CACUL1: variants seen among roughly 807,000 people sequenced by gnomAD.
The protein encoded by CACUL1 is CDK2 associated cullin domain 1, also known as CDK2-associated and cullin domain-containing protein 1.
In CACUL1, 13 loss-of-function variants were observed where a neutral mutation model predicts 45.2. The ratio of observed to expected loss-of-function variants is 0.29; its 90% confidence interval spans 0.19 to 0.46. CACUL1 has a LOEUF of 0.46. Ranked by LOEUF, CACUL1 falls within the 20% of genes least tolerant of loss-of-function variation. The pLI, the probability that CACUL1 is intolerant of heterozygous loss-of-function variation, is 1.00. For missense variants in CACUL1, 421 were observed against 471.4 expected, an observed-to-expected ratio of 0.89 and a Z score of 0.99; for synonymous variants, 197 against 174.2, an observed-to-expected ratio of 1.13 and a Z score of -1.03.
At chr10:118,722,010 T>C (rs181712346) in intron 3 of CACUL1, among the ~76,000 whole-genome samples, 5 of 152,020 alleles carry the variant, frequency 3.3e-5, no homozygotes, top group African/African-American at 1.2e-4. Flanking sequence ...CCCCACCTTA[T>C]CCAGTTTCCC....
chr10:118,717,848 C>G (rs1406604751), intron 3 of CACUL1, among the ~76,000 whole-genome samples: 1 of 152,154 alleles, frequency 6.6e-6, no homozygotes, highest in Non-Finnish European at 1.5e-5. Context: ...TGAAAGAAAT[C>G]TGAGAGGCCA....
At chr10:118,716,964 G>A (rs940645013) in intron 3 of CACUL1, among the ~76,000 whole-genome samples, 4 of 152,116 alleles carry the variant, frequency 2.6e-5, no homozygotes, top group Non-Finnish European at 5.9e-5. Context: ...CTAGGTTCAG[G>A]AACAATGGTA....
intron 1 of CACUL1, among the ~76,000 whole-genome samples, chr10:118,753,520 A>G (rs970039224): frequency 6.6e-6 from 1 of 152,170 alleles, no homozygotes; most frequent in African/African-American, 2.4e-5. Context: ...CACCACCACC[A>G]CCGCCACGCA....
chr10:118,686,159 G>A lies in CACUL1; in HGVS notation c.1079C>T (p.Ser360Leu). 1 of 1,612,646 alleles carries A rather than the reference G, an allele frequency of 6.2e-7. No individual in the cohort carries two copies. The highest frequency in any genetic ancestry group is 8.5e-7 in the Non-Finnish European group (1 of 1,178,812). Residue 360 changes from serine (S) to leucine (L), a missense_variant, in exon 9 of 9, where the codon TCA becomes TTA. Coordinates refer to ENST00000369151, the MANE Select transcript of CACUL1 (RefSeq NM_153810.5). ...GTACCCCCTGGAACTTGCACATGCT[G>A]ACGAGCTATCTGAAAAAACATCAGA... ...AGDELAYNSSSACASSRGYR is the reference protein window; with the variant it reads ...AGDELAYNSSLACASSRGYR
intron 3 of CACUL1, among the ~76,000 whole-genome samples, chr10:118,715,714 C>T (rs531753925): frequency 2.0e-5 from 3 of 152,260 alleles, no homozygotes; most frequent in Non-Finnish European, 4.4e-5. Flanking sequence ...CCATCCTCGT[C>T]CCCAGCCAAC....
At chr10:118,698,126 T>G (rs948544194) in intron 5 of CACUL1, among the ~76,000 whole-genome samples, 12 of 152,030 alleles carry the variant, frequency 7.9e-5, no homozygotes, top group Admixed American at 4.6e-4. Flanking sequence ...GGCTCCCAAA[T>G]TCTTCTGACA....
chr10:118,743,194 GA>G (rs925217006), intron 1 of CACUL1, among the ~76,000 whole-genome samples: 75 of 147,278 alleles, frequency 5.1e-4, no homozygotes, highest in Non-Finnish European at 8.7e-4. Context: ...GAGTAAAAAA[GA>G]AAAAAAAAAT....
intron 4 of CACUL1, among the ~76,000 whole-genome samples, chr10:118,702,918 A>C (rs964399937): frequency 1.3e-5 from 2 of 152,174 alleles, no homozygotes; most frequent in African/African-American, 4.8e-5. Flanking sequence ...AATGCAGAAG[A>C]GTAGAAAATA....
rs930915309 is a variant in CACUL1 at position 118,678,337 on chromosome 10, T to C, written c.*7791A>G. 1.3e-5 allele frequency: 2 copies of C among 152,250 alleles called. No homozygotes were observed. Among genetic ancestry groups the C allele is most frequent in the Admixed American group, 6.5e-5 (1 of 15,290 alleles). The allele number at this position is 152,250 out of a possible 1,614,324, so 9.4% of individuals were successfully genotyped here. A position where few individuals can be genotyped will look rare whatever the true frequency, so the allele number is the denominator to read the frequency against. ...CTGATAGTCTGCATTTTCTATCTTG[T>C]TGATGAAATTCTTCCCTACTCCAAA... On this transcript the variant is annotated 3_prime_UTR_variant, in exon 9 of 9. Coordinates refer to ENST00000369151, the MANE Select transcript of CACUL1 (RefSeq NM_153810.5).
chr10:118,676,799 T>C lies in CACUL1; in HGVS notation c.*9329A>G. 1 of 151,708 alleles carries C rather than the reference T, an allele frequency of 6.6e-6. No individual in the cohort carries two copies. Among genetic ancestry groups the C allele is most frequent in the South Asian group, 2.1e-4 (1 of 4,804 alleles). 9.4% of individuals were successfully genotyped at this position (151,708 alleles called of 1,614,324 possible). On this transcript the variant is annotated 3_prime_UTR_variant, in exon 9 of 9. Transcript: ENST00000369151. ...TTTTGCTTTATATGTATTGGTAACA[T>C]ATGTTCAAATTTAAACATTTTAAAA...
At position 118,754,529 on chromosome 10, in the gene CACUL1, C is replaced by G; in HGVS notation, c.234G>C (p.Pro78=). 1.2e-6 allele frequency: 2 copies of G among 1,612,736 alleles called. No homozygotes were observed. Among genetic ancestry groups the G allele is most frequent in the African/African-American group, 2.7e-5 (2 of 74,916 alleles). The change falls in exon 1 of 9, where the codon CCG becomes CCC. Residue 78 remains proline, a synonymous_variant. Coordinates refer to ENST00000369151, the MANE Select transcript of CACUL1 (RefSeq NM_153810.5). ...CCCCATTAGCCTCCGGCGGTGGCTG[C>G]GGCCCCATCGGGAGCCCCTCCTTGG... ...KGPKEGLPMG[P]QPPPEANGVI...
At chr10:118,746,811 A>G (rs1346346291) in intron 1 of CACUL1, among the ~76,000 whole-genome samples, 2 of 152,258 alleles carry the variant, frequency 1.3e-5, no homozygotes, top group Non-Finnish European at 2.9e-5. Context: ...TAAGGCAAGC[A>G]AATGATCACA....
At chr10:118,692,007 G>A (rs907799753) in intron 6 of CACUL1, among the ~76,000 whole-genome samples, 1 of 152,000 alleles carries the variant, frequency 6.6e-6, no homozygotes, top group Non-Finnish European at 1.5e-5. Context: ...AAGTATGGAG[G>A]AAAACATGAA....
At position 118,754,965 on chromosome 10, in the gene CACUL1, G is replaced by A. The variant is rs933092469; in HGVS notation, c.-203C>T. 3 of 600,896 alleles carry A rather than the reference G, an allele frequency of 5.0e-6. No homozygotes were observed. The highest frequency in any genetic ancestry group is 5.5e-5 in the South Asian group (2 of 36,102). 37.2% of individuals were successfully genotyped at this position (600,896 alleles called of 1,614,324 possible). A position where few individuals can be genotyped will look rare whatever the true frequency, so the allele number is the denominator to read the frequency against. On this transcript the variant is annotated 5_prime_UTR_variant, in exon 1 of 9. Transcript: ENST00000369151. Reference sequence around the variant, plus strand: ...CGGCTGACGGCGGTGGGCGCTCCGGGGCTCTAGTCTGGGAGAGGCAGCCGT... The same window carrying A: ...CGGCTGACGGCGGTGGGCGCTCCGGAGCTCTAGTCTGGGAGAGGCAGCCGT...
chr10:118,718,401 CTG>C (rs1845567262), intron 3 of CACUL1, among the ~76,000 whole-genome samples: 2 of 151,960 alleles, frequency 1.3e-5, no homozygotes, highest in African/African-American at 2.4e-5. Flanking sequence ...AAACTAGAGG[CTG>C]TGGGCCAAAT....
chr10:118,711,316 G>A (rs987449711), intron 3 of CACUL1, among the ~76,000 whole-genome samples: 4 of 152,224 alleles, frequency 2.6e-5, no homozygotes, highest in African/African-American at 9.6e-5. Context: ...CTGACCTCAA[G>A]TGATCCACCC....
chr10:118,695,276 G>A (rs377687662), intron 5 of CACUL1, 46 bp from the exon 6 acceptor site: 3 of 1,055,090 alleles, frequency 2.8e-6, no homozygotes, highest in South Asian at 1.3e-5. Context: ...CATATTGACT[G>A]TCAAGATTTC....
rs1038695271 is a variant in CACUL1, at chr10:118,682,511, T to C, written c.*3617A>G. 1.8e-4 allele frequency: 27 copies of C among 152,758 alleles called. No individual in the cohort carries two copies. The East Asian group carries it at 4.8e-3, about 27-fold the overall frequency. 9.5% of individuals were successfully genotyped at this position (152,758 alleles called of 1,614,324 possible). The stretch of plus-strand genomic sequence containing the variant: ...GATTATTTAAATACTATAATACAAG[T>C]GCTCCTGCTCACTTCTAACTGCAGA... On this transcript the variant is annotated 3_prime_UTR_variant, in exon 9 of 9. Coordinates refer to ENST00000369151, the MANE Select transcript of CACUL1 (RefSeq NM_153810.5).
intron 3 of CACUL1, among the ~76,000 whole-genome samples, chr10:118,726,725 A>T (rs373265743): frequency 1.3e-4 from 20 of 152,210 alleles, no homozygotes; most frequent in African/African-American, 4.6e-4. Context: ...TATTTTAGTA[A>T]ATCTACTTCC....
Sources: allele counts gnomAD v4.1 joint callset (sites outside exome capture counted in the v4.1 genomes callset), GRCh38; gene constraint gnomAD v4.1.1; transcripts MANE v1.5; gene names NCBI Gene and HGNC (gene_info 2026-07-23, HGNC 2026-07-21).